The following MED13 variants were observed in gnomAD, a reference collection of about 807,000 sequenced individuals.
MED13 encodes mediator complex subunit 13, also known as mediator of RNA polymerase II transcription subunit 13.
MED13 carries 23 observed loss-of-function variants against 225.2 expected under a neutral mutation model. The ratio of observed to expected loss-of-function variants is 0.10; its 90% confidence interval spans 0.07 to 0.14. The LOEUF (loss-of-function observed/expected upper bound fraction) is 0.14, where lower values mean the gene tolerates loss of function less well. Among genes scored for constraint, MED13 ranks in the 10% least tolerant of loss-of-function variants. The pLI, the probability that MED13 is intolerant of heterozygous loss-of-function variation, is 1.00. For missense variants in MED13, 2,197 were observed against 2,594.5 expected (o/e 0.85, Z 3.33); for synonymous variants, 942 against 889.2 (o/e 1.06, Z -1.06).
intron 8 of MED13, among the ~76,000 whole-genome samples, chr17:62,016,018 G>A (rs2080576582): frequency 9.5e-6 from 1 of 105,298 alleles, no homozygotes; most frequent in African/African-American, 3.8e-5. Context: ...TGCCCAGGCT[G>A]GTCTCAAACT....
At chr17:62,042,695 C>T (rs1603407919) in intron 3 of MED13, among the ~76,000 whole-genome samples, 1 of 151,604 alleles carries the variant, frequency 6.6e-6, no homozygotes, top group Non-Finnish European at 1.5e-5. Flanking sequence ...TTACTATTTC[C>T]TGTAACTTAA....
intron 8 of MED13, among the ~76,000 whole-genome samples, chr17:62,020,756 T>C (rs1165691985): frequency 8.0e-5 from 12 of 149,726 alleles, no homozygotes; most frequent in East Asian, 7.9e-4. Flanking sequence ...GGCAGGGTCA[T>C]AGGACAATAG....
intron 9 of MED13, among the ~76,000 whole-genome samples, chr17:61,998,659 G>T (rs545725051): frequency 6.8e-6 from 1 of 147,704 alleles, no homozygotes; most frequent in Non-Finnish European, 1.5e-5. Flanking sequence ...GAATGCAGTG[G>T]TGCGGTCTCA....
At chr17:61,966,723 C>T (rs1056404636) in intron 18 of MED13, 72 bp from the exon 19 acceptor site, 23 of 965,424 alleles carry the variant, frequency 2.4e-5, no homozygotes, top group Middle Eastern at 4.5e-4. Context: ...ATAAAACCAA[C>T]CATGAAAGCT....
At chr17:62,042,703 T>TA (rs376233121) in intron 3 of MED13, among the ~76,000 whole-genome samples, 5 of 151,764 alleles carry the variant, frequency 3.3e-5, no homozygotes, top group African/African-American at 4.8e-5. Flanking sequence ...TCCTGTAACT[T>TA]AAAAAAAATA....
In MED13 at chr17:61,978,450, C is replaced by T. The variant is rs2080175763; in HGVS notation, c.3805+3748G>A. 4.6e-5 allele frequency among the ~76,000 whole-genome samples: 7 copies of T among 152,106 alleles called. No homozygotes were observed. In the South Asian group the frequency reaches 1.4e-3, roughly 31 times the overall value. On this transcript the variant is annotated intron_variant, in intron 16 of 29. Transcript: ENST00000397786. The stretch of plus-strand genomic sequence containing the variant: ...TATTTTTAGTAGAGATGGGGTTTCA[C>T]TAGGTTGGTCAGGCTGGTCTCAAAC...
chr17:62,042,581 C>A lies in MED13; in HGVS notation c.471-6973G>T, dbSNP rs1333036392. Among the ~76,000 whole-genome samples, 320 of 128,612 alleles carry A rather than the reference C, an allele frequency of 2.5e-3. 3 individuals carry two copies. The highest frequency in any genetic ancestry group is 8.2e-3 in the African/African-American group (265 of 32,168). 84.4% of individuals were successfully genotyped at this position (128,612 alleles called of 152,430 possible). A position where few individuals can be genotyped will look rare whatever the true frequency, so the allele number is the denominator to read the frequency against. ...ATCTCAAAAAAAAAAAAAAAAAAAACCAAAAAAACCCCACAAAACTTAGCA... is the reference window on the plus strand; with the variant it reads ...ATCTCAAAAAAAAAAAAAAAAAAAAACAAAAAAACCCCACAAAACTTAGCA... On this transcript the variant is annotated intron_variant, in intron 3 of 29. Transcript: ENST00000397786.
intron 2 of MED13, among the ~76,000 whole-genome samples, chr17:62,058,595 C>T (rs956817619): frequency 1.3e-5 from 2 of 151,460 alleles, no homozygotes; most frequent in Non-Finnish European, 2.9e-5. Context: ...TTCCCTAATC[C>T]TTTTTGTATC....
chr17:61,971,397 ATTC>A (rs1365601646), intron 17 of MED13, among the ~76,000 whole-genome samples: 1 of 149,742 alleles, frequency 6.7e-6, no homozygotes, highest in Admixed American at 6.7e-5. Context: ...GGTTCAAGTG[ATTC>A]TTCTTCTCCT....
chr17:61,991,487 G>A (rs2080298288), intron 11 of MED13, among the ~76,000 whole-genome samples: 1 of 151,422 alleles, frequency 6.6e-6, no homozygotes, highest in African/African-American at 2.4e-5. Context: ...CTACATGCAT[G>A]CACCACCACG....
chr17:62,061,213 A>AT (rs577668026), intron 2 of MED13, among the ~76,000 whole-genome samples: 9 of 152,152 alleles, frequency 5.9e-5, no homozygotes, highest in African/African-American at 1.9e-4. Flanking sequence ...CTTTCACAAT[A>AT]TTTTTTCTAT....
chr17:62,019,515 C>A (rs1224689229), intron 8 of MED13, among the ~76,000 whole-genome samples: 3 of 152,140 alleles, frequency 2.0e-5, no homozygotes, highest in Non-Finnish European at 4.4e-5. Context: ...GATCTCCATT[C>A]ATCTGAGGTG....
At chr17:61,972,615 A>C in intron 17 of MED13, 112 bp downstream of exon 17, 1 of 1,026,712 alleles carries the variant, frequency 9.7e-7, no homozygotes, top group African/African-American at 1.6e-5. Flanking sequence ...AGTGGCCTTA[A>C]GAATATATCA....
At chr17:62,013,945 A>G (rs1183658978) in intron 8 of MED13, among the ~76,000 whole-genome samples, 1 of 152,136 alleles carries the variant, frequency 6.6e-6, no homozygotes, top group Non-Finnish European at 1.5e-5. Flanking sequence ...AGGCTGAGGC[A>G]GAAGAATCGC....
At chr17:62,033,049 C>T (rs2080771415) in intron 5 of MED13, among the ~76,000 whole-genome samples, 1 of 152,052 alleles carries the variant, frequency 6.6e-6, no homozygotes, top group Admixed American at 6.6e-5. Flanking sequence ...ACTCTCAAGA[C>T]TGAGGCACGA....
At position 62,034,496 on chromosome 17, in the gene MED13, A is replaced by G. The variant is rs575129681; in HGVS notation, c.617-512T>C. ...AGGGAGACTTCATCTCAAAAAAAAA[A>G]AAAAAAAAAATTGTCTGCCCAAACT... On this transcript the variant is annotated intron_variant, in intron 4 of 29. Transcript: ENST00000397786. Among the ~76,000 whole-genome samples, 9 of 151,992 alleles carry G rather than the reference A, an allele frequency of 5.9e-5. No individual in the cohort carries two copies. In the East Asian group the frequency reaches 1.7e-3, roughly 29 times the overall value.
At chr17:62,060,208 G>C (rs968699398) in intron 2 of MED13, among the ~76,000 whole-genome samples, 2 of 151,996 alleles carry the variant, frequency 1.3e-5, no homozygotes, top group Non-Finnish European at 2.9e-5. Flanking sequence ...CAGGAGAATC[G>C]CTTGAACCCA....
chr17:62,031,441 T>C lies in MED13; in HGVS notation c.1009+3A>G, dbSNP rs2080755525. ...GAGCTGATGAGACAAATTACTGCTA[T>C]ACCTGTTTGGACTTCCTCAGGAGAC... On this transcript the variant is annotated splice_donor_region_variant and intron_variant, in intron 6 of 29. Transcript: ENST00000397786. 3 of 1,596,582 alleles carry C rather than the reference T, an allele frequency of 1.9e-6. No individual in the cohort carries two copies. Among genetic ancestry groups the C allele is most frequent in the Non-Finnish European group, 2.6e-6 (3 of 1,171,292 alleles).
At chr17:61,947,160 G>A (rs1298070692) in intron 28 of MED13, 143 bp from the exon 29 acceptor site, 3 of 502,350 alleles carry the variant, frequency 6.0e-6, no homozygotes, top group Non-Finnish European at 6.9e-6. Context: ...CTATAAAAAT[G>A]CTTGTTCTCT....
Sources: gnomAD v4.1 joint callset for allele counts (sites outside exome capture counted in the v4.1 genomes callset) on GRCh38, gnomAD v4.1.1 for gene constraint, MANE v1.5 for transcripts, NCBI Gene and HGNC (gene_info 2026-07-23, HGNC 2026-07-21) for gene names.